COIL: variants seen among roughly 807,000 people sequenced by gnomAD.
COIL encodes the protein coilin, also known as coilin p80.
COIL carries 28 observed loss-of-function variants against 51.6 expected under a neutral mutation model. That is an observed-to-expected ratio of 0.54 (90% CI 0.40 to 0.74). The LOEUF is 0.74. Among genes scored for constraint, COIL ranks in the 30% least tolerant of loss-of-function variants. The probability of loss-of-function intolerance (pLI) is 0.00; values close to 1 mark genes in which losing one functional copy is unlikely to be tolerated. For missense variants in COIL, 667 were observed against 685.9 expected (o/e 0.97, Z 0.31); for synonymous variants, 233 against 255.8 (o/e 0.91, Z 0.85).
Position 56,942,112 on chromosome 17 carries a change from G to C in COIL, c.1570C>G (p.Pro524Ala). The stretch of plus-strand genomic sequence containing the variant: ...TGATAAACTAAATCAAATTTCCCAG[G>C]TTCTCTCAAGGCTGAAACAAGAAGA... The part of the protein sequence containing the change: ...ILSSLPALRE[P>A]GKFDLVYHNE... Residue 524 changes from proline (P) to alanine (A), a missense_variant, in exon 6 of 7, where the codon CCT becomes GCT. By Grantham distance (27) the Pro-to-Ala change is conservative (BLOSUM62 -1). Transcript: ENST00000240316. The C allele has an allele frequency of 6.2e-7, 1 of 1,613,726 alleles. No homozygotes were observed. The highest frequency in any genetic ancestry group is 8.5e-7 in the Non-Finnish European group (1 of 1,179,656).
rs562268662 is a variant in COIL at position 56,948,235 on chromosome 17, C to T, written c.1488+1152G>A. ...CTGCAAGCTCTGCCTCCCGGGTTCA[C>T]GCCATTCTCCTGCCTCAGCCTCCTG... On this transcript the variant is annotated intron_variant, in intron 4 of 6. Coordinates refer to ENST00000240316, the MANE Select transcript of COIL (RefSeq NM_004645.3). 1.6e-4 allele frequency among the ~76,000 whole-genome samples: 24 copies of T among 149,730 alleles called. 1 individual carries two copies. The highest frequency in any genetic ancestry group is 6.0e-4 in the East Asian group (3 of 5,028).
At chr17:56,948,741 T>A (rs1910299365) in intron 4 of COIL, among the ~76,000 whole-genome samples, 1 of 150,388 alleles carries the variant, frequency 6.6e-6, no homozygotes, top group Admixed American at 6.7e-5. Context: ...AGATATTAAG[T>A]AAGTAAATTC....
intron 5 of COIL, among the ~76,000 whole-genome samples, chr17:56,945,498 T>G (rs1336042791): frequency 6.6e-6 from 1 of 152,220 alleles, no homozygotes; most frequent in Admixed American, 6.5e-5. Context: ...GTGGGGTTCA[T>G]CAGAGATAAA....
intron 6 of COIL, among the ~76,000 whole-genome samples, chr17:56,940,410 C>T (rs1910123272): frequency 6.6e-6 from 1 of 152,138 alleles, no homozygotes; most frequent in African/African-American, 2.4e-5. Context: ...GGTGCCCAGC[C>T]TAATTACAGG....
At chr17:56,957,096 C>T (rs988476090) in intron 1 of COIL, among the ~76,000 whole-genome samples, 1 of 151,444 alleles carries the variant, frequency 6.6e-6, no homozygotes, top group Non-Finnish European at 1.5e-5. Context: ...TTAGTGAGAC[C>T]TCTCTACTAA....
chr17:56,944,610 G>A (rs1425816035), intron 5 of COIL, among the ~76,000 whole-genome samples: 3 of 151,650 alleles, frequency 2.0e-5, no homozygotes, highest in Non-Finnish European at 4.4e-5. Context: ...AGAAAGGTAG[G>A]AACCCAGTGT....
At chr17:56,959,462 C>T (rs2144407783) in intron 1 of COIL, among the ~76,000 whole-genome samples, 1 of 152,356 alleles carries the variant, frequency 6.6e-6, no homozygotes, top group South Asian at 2.1e-4. Flanking sequence ...ATTCACACTA[C>T]AATTGCTCCT....
intron 6 of COIL, among the ~76,000 whole-genome samples, chr17:56,940,635 A>C (rs568260441): frequency 6.6e-6 from 1 of 152,370 alleles, no homozygotes; most frequent in East Asian, 1.9e-4. Flanking sequence ...AGACAAGGTA[A>C]AACACAGTCT....
chr17:56,959,967 G>C (rs1057308422), intron 1 of COIL, among the ~76,000 whole-genome samples: 2 of 152,354 alleles, frequency 1.3e-5, no homozygotes. Context: ...TGTAATCCCA[G>C]CACTTTGGGA....
At chr17:56,952,375 G>C (rs1910390021) in intron 1 of COIL, 2 of 432,570 alleles carry the variant, frequency 4.6e-6, no homozygotes, top group Non-Finnish European at 8.9e-6. Context: ...AAAACACATA[G>C]GAAGAAAAAT....
rs550802769 is a variant in COIL at position 56,953,375 on chromosome 17, T to C, written c.246-2379A>G. 4.5e-3 allele frequency among the ~76,000 whole-genome samples: 586 copies of C among 130,836 alleles called. 7 individuals are homozygous for C. The highest frequency in any genetic ancestry group is 0.015 in the African/African-American group (518 of 33,908). 85.8% of individuals were successfully genotyped at this position (130,836 alleles called of 152,430 possible). A position where few individuals can be genotyped will look rare whatever the true frequency, so the allele number is the denominator to read the frequency against. On this transcript the variant is annotated intron_variant, in intron 1 of 6. Coordinates refer to ENST00000240316, the MANE Select transcript of COIL (RefSeq NM_004645.3). ...GCAGTGAGCCGAGGTCACACCACTGTACTCCAGCCTGGGCAACAGAGCAAG... is the reference window on the plus strand; with the variant it reads ...GCAGTGAGCCGAGGTCACACCACTGCACTCCAGCCTGGGCAACAGAGCAAG...
Position 56,950,574 on chromosome 17 carries a change from G to A in COIL, c.668C>T (p.Ala223Val). 6.2e-7 allele frequency: 1 copy of A among 1,614,196 alleles called. No homozygotes were observed. Among genetic ancestry groups the A allele is most frequent in the Non-Finnish European group, 8.5e-7 (1 of 1,180,032 alleles). The change falls in exon 2 of 7, where the codon GCT (alanine) becomes GTT (valine). Residue 223 changes from alanine (A) to valine (V), a missense_variant. Ala to Val is a moderately conservative substitution (Grantham distance 64, BLOSUM62 0). Transcript: ENST00000240316. ...NQRCSSPKGSARNSLVKAKRK... is the reference protein window; with the variant it reads ...NQRCSSPKGSVRNSLVKAKRK... ...TTTGGCTTTAACAAGGCTGTTTCTA[G>A]CAGAACCTTTTGGAGAACTACATCT...
At chr17:56,956,422 T>A (rs971961705) in intron 1 of COIL, among the ~76,000 whole-genome samples, 2 of 150,286 alleles carry the variant, frequency 1.3e-5, no homozygotes, top group Non-Finnish European at 3.0e-5. Flanking sequence ...TTGTTTGTTT[T>A]TTGGGGTTTT....
chr17:56,949,387 C>T lies in COIL; in HGVS notation c.1488G>A (p.Lys496=). 5 of 1,589,818 alleles carry T rather than the reference C, an allele frequency of 3.1e-6. No homozygotes were observed. The highest frequency in any genetic ancestry group is 4.3e-6 in the Non-Finnish European group (5 of 1,174,426). Residue 496 remains lysine (K), a splice_region_variant and synonymous_variant, in exon 4 of 7, where the codon AAG becomes AAA. Transcript: ENST00000240316. The part of the protein sequence containing the change: ...SSYSPDVSDY[K]EGRILSHNPE... ...CTTACTTTTAAATAAACATCCTTAC[C>T]TTGTAGTCAGAGACATCAGGAGAGT...
chr17:56,942,180 G>T, intron 5 of COIL, 57 bp from the exon 6 acceptor site: 1 of 1,318,196 alleles, frequency 7.6e-7, no homozygotes, highest in Non-Finnish European at 1.1e-6. Flanking sequence ...AGTTAAAAAT[G>T]TTCCTCTATG....
At chr17:56,953,101 G>A (rs1201032797) in intron 1 of COIL, among the ~76,000 whole-genome samples, 1 of 151,938 alleles carries the variant, frequency 6.6e-6, no homozygotes, top group African/African-American at 2.4e-5. Context: ...AACATAGGGA[G>A]ACCCTGTCTC....
intron 1 of COIL, chr17:56,952,183 G>T: frequency 2.0e-6 from 1 of 497,666 alleles, no homozygotes; most frequent in South Asian, 1.5e-5. Context: ...TGATCATAGA[G>T]CTGGGAAAAC....
intron 1 of COIL, among the ~76,000 whole-genome samples, chr17:56,959,774 G>T (rs1042283584): frequency 6.6e-6 from 1 of 152,248 alleles, no homozygotes; most frequent in African/African-American, 2.4e-5. Context: ...TGCACCATGG[G>T]CACGCAACAG....
chr17:56,956,734 G>A (rs987304523), intron 1 of COIL, among the ~76,000 whole-genome samples: 3 of 152,154 alleles, frequency 2.0e-5, no homozygotes, highest in African/African-American at 4.8e-5. Context: ...TGGGACTACA[G>A]GCATGTGCCA....
Sources: gnomAD v4.1 joint callset for allele counts (sites outside exome capture counted in the v4.1 genomes callset) on GRCh38, gnomAD v4.1.1 for gene constraint, MANE v1.5 for transcripts, NCBI Gene and HGNC (gene_info 2026-07-23, HGNC 2026-07-21) for gene names.